NTSR1: variants seen among roughly 807,000 people sequenced by gnomAD.
NTSR1 encodes the protein neurotensin receptor 1.
Under a neutral mutation model 31.2 loss-of-function variants are expected in NTSR1, and 29 were observed. That is an observed-to-expected ratio of 0.93 (90% CI 0.69 to 1.27). NTSR1 has a LOEUF of 1.27. Ranked by LOEUF, NTSR1 falls within the 50% of genes most tolerant of loss-of-function variation. The pLI is 0.00. For synonymous variants in NTSR1, 282 were observed against 269.9 expected (o/e 1.04, Z -0.44); for missense variants, 697 against 595.4 (o/e 1.17, Z -1.78).
chr20:62,755,986 T>C (rs1424236587), intron 2 of NTSR1, among the ~76,000 whole-genome samples: 2 of 149,462 alleles, frequency 1.3e-5, no homozygotes, highest in Non-Finnish European at 3.0e-5. Context: ...TGTCCATCTG[T>C]CCACTTGCTC....
chr20:62,751,330 T>C (rs776747932), intron 1 of NTSR1, among the ~76,000 whole-genome samples: 1 of 152,258 alleles, frequency 6.6e-6, no homozygotes, highest in Non-Finnish European at 1.5e-5. Context: ...TGTGGAATTT[T>C]TTTGGGGTAA....
In NTSR1 at chr20:62,709,423, G is replaced by T. The variant is rs749314736; in HGVS notation, c.216G>T (p.Ala72=). The T allele has an allele frequency of 1.2e-6, 2 of 1,611,912 alleles. No homozygotes were observed. Among genetic ancestry groups the T allele is most frequent in the South Asian group, 1.1e-5 (1 of 91,012 alleles). The part of the protein sequence containing the change: ...SKVLVTAVYL[A]LFVVGTVGNT... ...TGCTGGTGACCGCCGTGTACCTGGC[G>T]CTCTTCGTGGTGGGCACGGTGGGCA... Residue 72 remains alanine (A), a synonymous_variant, in exon 1 of 4, where the codon GCG becomes GCT. Coordinates refer to ENST00000370501, the MANE Select transcript of NTSR1 (RefSeq NM_002531.3).
chr20:62,709,298 C>G lies in NTSR1; in HGVS notation c.91C>G (p.Leu31Val). The G allele has an allele frequency of 1.9e-6, 3 of 1,597,600 alleles. No homozygotes were observed. The highest frequency in any genetic ancestry group is 2.6e-6 in the Non-Finnish European group (3 of 1,175,084). Reference sequence around the variant, plus strand: ...GCAGGCCGGACTGGAGGAGGCGCTGCTGGCCCCGGGCTTCGGCAACGCTTC... The same window carrying G: ...GCAGGCCGGACTGGAGGAGGCGCTGGTGGCCCCGGGCTTCGGCAACGCTTC... ...RAQAGLEEAL[L>V]APGFGNASGN... The change falls in exon 1 of 4, where the codon CTG (leucine) becomes GTG (valine). Residue 31 changes from leucine (L) to valine (V), a missense_variant. Transcript: ENST00000370501.
intron 1 of NTSR1, among the ~76,000 whole-genome samples, chr20:62,725,458 C>T (rs989556474): frequency 8.5e-5 from 13 of 152,172 alleles, no homozygotes; most frequent in African/African-American, 3.1e-4. Context: ...CTGTCGGCCC[C>T]GTCTCCCCCC....
At position 62,742,800 on chromosome 20, in the gene NTSR1, G is replaced by T. The variant is rs1220939149; in HGVS notation, c.715-11885G>T. Among the ~76,000 whole-genome samples, 1 of 148,574 alleles carries T rather than the reference G, an allele frequency of 6.7e-6. No individual in the cohort carries two copies. Among genetic ancestry groups the T allele is most frequent in the Non-Finnish European group, 1.5e-5 (1 of 67,862 alleles). On this transcript the variant is annotated intron_variant, in intron 1 of 3. Transcript: ENST00000370501. The surrounding 1 kb of genome is among the most constrained non-coding windows in gnomAD (Gnocchi z 7.1). ...TCTTGGCCCTGGCACCCCACCTCTG[G>T]CATGGGGAGCAGAGACCCACCAGGG...
rs1423469249 is a variant in NTSR1 at position 62,715,444 on chromosome 20, C to G, written c.714+5523C>G. On this transcript the variant is annotated intron_variant, in intron 1 of 3. Transcript: ENST00000370501. The surrounding 1 kb of genome is among the most constrained non-coding windows in gnomAD (Gnocchi z 4.7). Reference sequence around the variant, plus strand: ...GGTGCTCTCAGAAGGGAAGGCCTAGCCTGACCCTGTGGTGCTCCCCGTGGG... The same window carrying G: ...GGTGCTCTCAGAAGGGAAGGCCTAGGCTGACCCTGTGGTGCTCCCCGTGGG... Among the ~76,000 whole-genome samples, 3 of 152,214 alleles carry G rather than the reference C, an allele frequency of 2.0e-5. No homozygotes were observed. Among genetic ancestry groups the G allele is most frequent in the Non-Finnish European group, 2.9e-5 (2 of 68,036 alleles).
intron 1 of NTSR1, among the ~76,000 whole-genome samples, chr20:62,738,749 GTCC>G (rs1280311370): frequency 6.6e-6 from 1 of 152,246 alleles, no homozygotes; most frequent in Non-Finnish European, 1.5e-5. Flanking sequence ...GCTCACGCTG[GTCC>G]TCGAGGTGGC....
At position 62,754,898 on chromosome 20, in the gene NTSR1, C is replaced by A. The variant is rs758807999; in HGVS notation, c.916+12C>A. 1.9e-6 allele frequency: 3 copies of A among 1,581,420 alleles called. No individual in the cohort carries two copies. The highest frequency in any genetic ancestry group is 2.6e-6 in the Non-Finnish European group (3 of 1,167,240). On this transcript the variant is annotated intron_variant, in intron 2 of 3. Coordinates refer to ENST00000370501, the MANE Select transcript of NTSR1 (RefSeq NM_002531.3). ...CGTGCGCGTCCTACGTACGTAACCTCTGGGCCCTCCAGGGGCGGGAGGCAG... is the reference window on the plus strand; with the variant it reads ...CGTGCGCGTCCTACGTACGTAACCTATGGGCCCTCCAGGGGCGGGAGGCAG...
chr20:62,729,148 C>T (rs1988961533), intron 1 of NTSR1, among the ~76,000 whole-genome samples: 1 of 152,228 alleles, frequency 6.6e-6, no homozygotes, highest in South Asian at 2.1e-4. Flanking sequence ...CTGACACCCA[C>T]AGATCCACCC....
intron 1 of NTSR1, among the ~76,000 whole-genome samples, chr20:62,750,486 C>G (rs1459053465): frequency 3.9e-5 from 6 of 151,960 alleles, no homozygotes; most frequent in African/African-American, 1.2e-4. Flanking sequence ...GTCAGGAGAT[C>G]GAGACCATCC....
intron 1 of NTSR1, among the ~76,000 whole-genome samples, chr20:62,734,575 C>A (rs1429447257): frequency 6.6e-6 from 1 of 152,198 alleles, no homozygotes; most frequent in African/African-American, 2.4e-5. Flanking sequence ...GAGCGAGGAG[C>A]AGGCGCTGGT....
chr20:62,739,760 C>T (rs538719542), intron 1 of NTSR1, among the ~76,000 whole-genome samples: 8 of 152,400 alleles, frequency 5.2e-5, no homozygotes, highest in African/African-American at 1.4e-4. Flanking sequence ...CAGGATGTGC[C>T]TGATGCCCAT....
intron 1 of NTSR1, among the ~76,000 whole-genome samples, chr20:62,740,120 C>T (rs1334910974): frequency 6.6e-6 from 1 of 152,240 alleles, no homozygotes; most frequent in East Asian, 1.9e-4. Context: ...AGAACTTTTC[C>T]GGATGGTGTG....
At chr20:62,712,008 AG>A (rs2147130769) in intron 1 of NTSR1, among the ~76,000 whole-genome samples, 1 of 152,298 alleles carries the variant, frequency 6.6e-6, no homozygotes, top group African/African-American at 2.4e-5. Flanking sequence ...TTTTCTTTAA[AG>A]GGCTCAGCTG....
chr20:62,709,898 G>C lies in NTSR1; in HGVS notation c.691G>C (p.Ala231Pro), dbSNP rs1308722099. ...GGTGTGCACCCCCACCATCCACACT[G>C]CCACCGTCAAGGTCGTCATACAGGT... ...GLVCTPTIHT[A>P]TVKVVIQVNT... is the part of the protein sequence containing the mutation. The change falls in exon 1 of 4, where the codon GCC becomes CCC. Residue 231 changes from alanine (A) to proline (P), a missense_variant. Transcript: ENST00000370501. The C allele has an allele frequency of 6.3e-7, 1 of 1,597,416 alleles. No homozygotes were observed. The highest frequency in any genetic ancestry group is 2.2e-5 in the East Asian group (1 of 44,474).
At position 62,745,354 on chromosome 20, in the gene NTSR1, C is replaced by CAGAGACAGAGAT. The variant is rs1323845118; in HGVS notation, c.715-9319_715-9308dup. Among the ~76,000 whole-genome samples the CAGAGACAGAGAT allele has an allele frequency of 6.6e-6, 1 of 151,400 alleles. No individual in the cohort carries two copies. Among genetic ancestry groups the CAGAGACAGAGAT allele is most frequent in the African/African-American group, 2.4e-5 (1 of 41,160 alleles). On this transcript the variant is annotated intron_variant, in intron 1 of 3. Transcript: ENST00000370501. This position sits in a 1 kb window ranked among gnomAD's most constrained non-coding sequence, Gnocchi z 4.1. ...ACAGAGATACAGAGACACAAGAAAA[C>CAGAGACAGAGAT]AGAGACAGAGATAGAGACAGAGACA...
In NTSR1 at chr20:62,715,093, C is replaced by T. The variant is rs1195409371; in HGVS notation, c.714+5172C>T. ...AATCATGGAAAGTGAGTGTTGATGA[C>T]ATTTTTGGCATGTTTGAAAAATTTA... On this transcript the variant is annotated intron_variant, in intron 1 of 3. Transcript: ENST00000370501. This position sits in a 1 kb window ranked among gnomAD's most constrained non-coding sequence, Gnocchi z 4.7. 2.6e-5 allele frequency among the ~76,000 whole-genome samples: 4 copies of T among 152,102 alleles called. No homozygotes were observed. The highest frequency in any genetic ancestry group is 4.4e-5 in the Non-Finnish European group (3 of 68,030).
chr20:62,736,861 G>A (rs889357706), intron 1 of NTSR1, among the ~76,000 whole-genome samples: 14 of 152,226 alleles, frequency 9.2e-5, no homozygotes, highest in Non-Finnish European at 2.1e-4. Context: ...TGGATCGTGG[G>A]GGCGGTTCCC....
At position 62,709,241 on chromosome 20, in the gene NTSR1, G is replaced by A; in HGVS notation, c.34G>A (p.Gly12Ser). ...RLNSSAPGTPGTPAADPFQRA... is the reference protein window; with the variant it reads ...RLNSSAPGTPSTPAADPFQRA... ...CAACAGCTCCGCGCCGGGAACCCCG[G>A]GCACGCCGGCCGCCGACCCCTTCCA... The change falls in exon 1 of 4, where the codon GGC (glycine) becomes AGC (serine). Residue 12 changes from glycine (G) to serine (S), a missense_variant. By Grantham distance (56) the Gly-to-Ser change is moderately conservative. Coordinates refer to ENST00000370501, the MANE Select transcript of NTSR1 (RefSeq NM_002531.3). The A allele has an allele frequency of 6.6e-7, 1 of 1,505,364 alleles. No individual in the cohort carries two copies. Among genetic ancestry groups the A allele is most frequent in the Non-Finnish European group, 8.8e-7 (1 of 1,134,394 alleles). The allele number at this position is 1,505,364 out of a possible 1,614,324, so 93.3% of individuals were successfully genotyped here.
Sources: gnomAD v4.1 joint callset for allele counts (sites outside exome capture counted in the v4.1 genomes callset) on GRCh38, gnomAD v4.1.1 for gene constraint, Gnocchi (gnomAD v3.1) non-coding constraint, MANE v1.5 for transcripts, NCBI Gene and HGNC (gene_info 2026-07-23, HGNC 2026-07-21) for gene names.